CDC25B: variants seen among roughly 807,000 people sequenced by gnomAD.
CDC25B encodes M-phase inducer phosphatase 2.
Under a neutral mutation model 69.8 loss-of-function variants are expected in CDC25B, and 33 were observed. The ratio of observed to expected loss-of-function variants is 0.47; its 90% CI spans 0.36 to 0.63. The LOEUF (loss-of-function observed/expected upper bound fraction) is 0.63, where lower values mean the gene tolerates loss of function less well. CDC25B is among the 30% of genes least tolerant of loss of function. The probability of loss-of-function intolerance (pLI) is 0.00; values close to 1 mark genes in which losing one functional copy is unlikely to be tolerated. For synonymous variants in CDC25B, 341 were observed against 314.6 expected, an observed-to-expected ratio of 1.08 and a Z score of -0.89; for missense variants, 727 against 809.1, an observed-to-expected ratio of 0.90 and a Z score of 1.23.
Position 3,805,630 on chromosome 20 carries a change from C to T in CDC25B, c.*669C>T, listed in dbSNP as rs1016348125. On this transcript the variant is annotated 3_prime_UTR_variant, in exon 16 of 16. Transcript: ENST00000245960. ...GGTTCCCCTGTCAAATATCAGTTAC[C>T]CACTCGGTCCCAGTTTTGTTGCCCC... 1 of 367,374 alleles carries T rather than the reference C, an allele frequency of 2.7e-6. No homozygotes were observed. Among genetic ancestry groups the T allele is most frequent in the African/African-American group, 2.1e-5 (1 of 47,688 alleles). 22.8% of individuals were successfully genotyped at this position (367,374 alleles called of 1,614,324 possible).
intron 10 of CDC25B, 78 bp from the exon 11 acceptor site, chr20:3,802,203 G>C: frequency 1.9e-6 from 3 of 1,557,334 alleles, no homozygotes; most frequent in Non-Finnish European, 2.6e-6. Context: ...GCATGGCAGA[G>C]AAAGGGGGTA....
At position 3,803,230 on chromosome 20, in the gene CDC25B, G is replaced by A. The variant is rs1396668592; in HGVS notation, c.1356+24G>A. 1 of 1,590,224 alleles carries A rather than the reference G, an allele frequency of 6.3e-7. No homozygotes were observed. The highest frequency in any genetic ancestry group is 1.7e-5 in the Admixed American group (1 of 59,622). On this transcript the variant is annotated intron_variant, in intron 13 of 15. Transcript: ENST00000245960. This position sits in a 1 kb window ranked among gnomAD's most constrained non-coding sequence, Gnocchi z 4.9. ...AGGTAAGATGGGGCAATGGGGAGAG[G>A]CCCTGAAGATCCCACCTGGTTTAGG...
rs1430158059 is a variant in CDC25B, at chr20:3,802,084, A to T, written c.1082A>T (p.Gln361Leu). Reference sequence around the variant, plus strand: ...AGCGTGACCCCTCCTGAGGAGCAGCAGGAGGCTGAGGAACCTGTGAGTGCC... The same window carrying T: ...AGCGTGACCCCTCCTGAGGAGCAGCTGGAGGCTGAGGAACCTGTGAGTGCC... ...RRSVTPPEEQ[Q>L]EAEEPKARVL... The change falls in exon 10 of 16, where the codon CAG (glutamine) becomes CTG (leucine). Residue 361 changes from glutamine (Q) to leucine (L), a missense_variant. Physicochemically the swap from Gln to Leu is moderately radical, Grantham distance 113. Transcript: ENST00000245960. 6.4e-7 allele frequency: 1 copy of T among 1,553,200 alleles called. No individual in the cohort carries two copies. The highest frequency in any genetic ancestry group is 8.7e-7 in the Non-Finnish European group (1 of 1,147,394).
chr20:3,804,524 C>CACTGCAT, intron 14 of CDC25B, 45 bp from the exon 15 acceptor site: 1 of 1,242,736 alleles, frequency 8.0e-7, no homozygotes, highest in South Asian at 1.2e-5. Context: ...ATGTACAAGC[C>CACTGCAT]ACTGCATGCC....
At chr20:3,791,464 C>T (rs1600376398), upstream of CDC25B, among the ~76,000 whole-genome samples, 7 of 152,234 alleles carry the variant, frequency 4.6e-5, no homozygotes, top group South Asian at 1.5e-3. Context: ...TGGTGGATCG[C>T]TTAAGCCCAG....
In CDC25B at chr20:3,803,491, A is replaced by G. The variant is rs761517361; in HGVS notation, c.1444A>G (p.Ile482Val). ...IAPCSLDKRV[I>V]LIFHCEFSSE... is the part of the protein sequence containing the mutation. ...GCCCTGTAGCCTGGACAAGAGAGTC[A>G]TCCTCATTTTCCACTGTGAATTCTC... Residue 482 changes from isoleucine (I) to valine (V), a missense_variant, in exon 14 of 16, where the codon ATC becomes GTC. Ile to Val is a conservative substitution (Grantham distance 29). Coordinates refer to ENST00000245960, the MANE Select transcript of CDC25B (RefSeq NM_021873.4). This position sits in a 1 kb window ranked among gnomAD's most constrained non-coding sequence, Gnocchi z 4.9. 1.9e-6 allele frequency: 3 copies of G among 1,613,738 alleles called. No homozygotes were observed. Among genetic ancestry groups the G allele is most frequent in the Non-Finnish European group, 2.5e-6 (3 of 1,179,964 alleles).
Position 3,799,517 on chromosome 20 carries a change from T to C in CDC25B, c.381-771T>C, listed in dbSNP as rs1170579914. On this transcript the variant is annotated intron_variant, in intron 3 of 15. Coordinates refer to ENST00000245960, the MANE Select transcript of CDC25B (RefSeq NM_021873.4). Reference sequence around the variant, plus strand: ...GTGTGTGTGTGTGTGTGTGTGTGTGTGTGTGTGTGCGCGCGCGCGCGTAGA... The same window carrying C: ...GTGTGTGTGTGTGTGTGTGTGTGTGCGTGTGTGTGCGCGCGCGCGCGTAGA... 9.2e-3 allele frequency among the ~76,000 whole-genome samples: 488 copies of C among 53,162 alleles called. 1 individual carries two copies. The highest frequency in any genetic ancestry group is 0.066 in the Middle Eastern group (7 of 106). The allele number at this position is 53,162 out of a possible 152,430, so 34.9% of individuals were successfully genotyped here.
upstream of CDC25B, among the ~76,000 whole-genome samples, chr20:3,792,312 T>G (rs1355695844): frequency 6.6e-6 from 1 of 151,762 alleles, no homozygotes; most frequent in Non-Finnish European, 1.5e-5. Context: ...AAGTGGCCAT[T>G]GAACTATTAA....
rs2089445540 is a variant in CDC25B, at chr20:3,805,469, T to A, written c.*508T>A. On this transcript the variant is annotated 3_prime_UTR_variant, in exon 16 of 16. Transcript: ENST00000245960. ...TGTCTGCCATGTTGCCCCTTTCTCT[T>A]TTCCCCTTTCCTGTCCCACCATACG... The A allele has an allele frequency of 3.5e-6, 1 of 284,808 alleles. No individual in the cohort carries two copies. Among genetic ancestry groups the A allele is most frequent in the Non-Finnish European group, 6.5e-6 (1 of 153,492 alleles). The allele number at this position is 284,808 out of a possible 1,614,324, so 17.6% of individuals were successfully genotyped here.
rs545103594 is a variant in CDC25B, at chr20:3,800,298, G to A, written c.391G>A (p.Ala131Thr). The part of the protein sequence containing the change: ...PHMAEQTFEQ[A>T]IQAASRIIRN... ...CCTTCTCTGTCCTAGGTTTGAACAG[G>A]CCATCCAGGCAGCCAGCCGGATCAT... Residue 131 changes from alanine (A) to threonine (T), a missense_variant, in exon 4 of 16, where the codon GCC (alanine) becomes ACC (threonine). By Grantham distance (58) the Ala-to-Thr change is moderately conservative. This residue lies in a region of CDC25B where 368 missense variants were observed against 345.6 expected (regional missense o/e 1.06). Coordinates refer to ENST00000245960, the MANE Select transcript of CDC25B (RefSeq NM_021873.4). 9.0e-5 allele frequency: 145 copies of A among 1,614,072 alleles called. 1 individual carries two copies. The South Asian group carries it at 1.2e-3, about 13-fold the overall frequency.
At chr20:3,794,118 A>C (rs1372398306), upstream of CDC25B, among the ~76,000 whole-genome samples, 1 of 150,768 alleles carries the variant, frequency 6.6e-6, no homozygotes, top group Admixed American at 6.6e-5. Context: ...ATACCCAGTA[A>C]TGGGATGGCT....
intron 7 of CDC25B, 78 bp from the exon 8 acceptor site, chr20:3,801,176 C>T: frequency 6.2e-7 from 1 of 1,604,234 alleles, no homozygotes; most frequent in South Asian, 1.1e-5. Context: ...CCCCCAGGCA[C>T]TGGGAACTTT....
In CDC25B at chr20:3,803,695, G is replaced by A. The variant is rs1017952928; in HGVS notation, c.1490+158G>A. ...GCTGACCTCAGCCCCACTTCACTGT[G>A]CATGGTACCCGCCTCCCATCTCCCT... On this transcript the variant is annotated intron_variant, in intron 14 of 15. Transcript: ENST00000245960. This position sits in a 1 kb window ranked among gnomAD's most constrained non-coding sequence, Gnocchi z 4.9. 9.2e-5 allele frequency among the ~76,000 whole-genome samples: 14 copies of A among 152,140 alleles called. No individual in the cohort carries two copies. The highest frequency in any genetic ancestry group is 2.1e-4 in the Non-Finnish European group (14 of 68,014).
chr20:3,802,758 G>A (rs1408150531), intron 11 of CDC25B, 152 bp from the exon 12 acceptor site: 1 of 659,350 alleles, frequency 1.5e-6, no homozygotes, highest in East Asian at 2.7e-5. Flanking sequence ...GACCCAAGAG[G>A]TGCCTCTCAG....
Position 3,804,631 on chromosome 20 carries a change from A to G in CDC25B, c.1553A>G (p.Glu518Gly). Residue 518 changes from glutamate to glycine, a missense_variant, in exon 15 of 16, where the codon GAG (glutamate) becomes GGG (glycine). By Grantham distance (98) the Glu-to-Gly change is moderately conservative. Coordinates refer to ENST00000245960, the MANE Select transcript of CDC25B (RefSeq NM_021873.4). ...GACTACCCCAGCCTCTACTACCCTGAGATGTATATCCTGAAAGGCGGCTAC... is the reference window on the plus strand; with the variant it reads ...GACTACCCCAGCCTCTACTACCCTGGGATGTATATCCTGAAAGGCGGCTAC... Reference protein sequence around the residue: ...VNDYPSLYYPEMYILKGGYKE... With the variant: ...VNDYPSLYYPGMYILKGGYKE... The G allele has an allele frequency of 1.2e-6, 2 of 1,614,078 alleles. No individual in the cohort carries two copies. Among genetic ancestry groups the G allele is most frequent in the Non-Finnish European group, 1.7e-6 (2 of 1,179,968 alleles).
At chr20:3,789,666 C>T (rs1053229357) in intron 1 of CDC25B, among the ~76,000 whole-genome samples, 4 of 120,700 alleles carry the variant, frequency 3.3e-5, no homozygotes, top group African/African-American at 1.1e-4. Context: ...CCACCTCACC[C>T]GGCCAAAAAA....
At chr20:3,804,024 G>A (rs2089385654) in intron 14 of CDC25B, among the ~76,000 whole-genome samples, 1 of 152,186 alleles carries the variant, frequency 6.6e-6, no homozygotes. Flanking sequence ...ATGACTGCTA[G>A]TGGCTCCCCA....
Position 3,796,744 on chromosome 20 carries a change from A to G in CDC25B, c.200+13A>G, listed in dbSNP as rs1600387448. On this transcript the variant is annotated intron_variant, in intron 1 of 15. Coordinates refer to ENST00000245960, the MANE Select transcript of CDC25B (RefSeq NM_021873.4). ...CCGGGCTCGGCAGGTAGGACACCCC[A>G]AGGAGGCTGCATATGGGGGTGAGAG... The G allele has an allele frequency of 1.3e-6, 2 of 1,556,454 alleles. No homozygotes were observed. The highest frequency in any genetic ancestry group is 1.4e-5 in the African/African-American group (1 of 72,082).
At chr20:3,796,785 C>A in intron 1 of CDC25B, 54 bp downstream of exon 1, 1 of 1,508,112 alleles carries the variant, frequency 6.6e-7, no homozygotes, top group South Asian at 1.2e-5. Context: ...GTCTGGAGTC[C>A]TGGGCCTCCT....
Sources: allele counts gnomAD v4.1 joint callset (sites outside exome capture counted in the v4.1 genomes callset), GRCh38; gene constraint gnomAD v4.1.1; regional missense constraint gnomAD v4.1.1; non-coding constraint Gnocchi (gnomAD v3.1); transcripts MANE v1.5; gene names NCBI Gene and HGNC (gene_info 2026-07-23, HGNC 2026-07-21).